Variants in ABHD6 observed in about 807,000 individuals in gnomAD.
ABHD6 encodes monoacylglycerol lipase ABHD6.
In ABHD6, 33 loss-of-function variants were observed where a neutral mutation model predicts 38.8. The ratio of observed to expected loss-of-function variants is 0.85; its 90% CI spans 0.64 to 1.14. The LOEUF (loss-of-function observed/expected upper bound fraction) is 1.14. ABHD6 is among the 50% of genes most tolerant of loss of function. The pLI is 0.00. For synonymous variants in ABHD6, 147 were observed against 161.6 expected, an observed-to-expected ratio of 0.91 and a Z score of 0.69; for missense variants, 380 against 422.6, an observed-to-expected ratio of 0.90 and a Z score of 0.88.
rs565761890 is a variant in ABHD6 at position 58,280,426 on chromosome 3, G to A, written c.682-4659G>A. ...TGCATCATGAAGTTCTCGTGCCATG[G>A]TTTTCAGCTCCATCGGGTCATTTAA... On this transcript the variant is annotated intron_variant, in intron 7 of 9. Transcript: ENST00000478253. Among the ~76,000 whole-genome samples the A allele has an allele frequency of 1.8e-4, 27 of 152,212 alleles. No homozygotes were observed. In the South Asian group the frequency reaches 5.4e-3, roughly 30 times the overall value.
intron 7 of ABHD6, among the ~76,000 whole-genome samples, chr3:58,278,999 C>T (rs1204683602): frequency 6.6e-6 from 1 of 152,162 alleles, no homozygotes; most frequent in Non-Finnish European, 1.5e-5. Context: ...TTTACATTTG[C>T]TGAGGAGTGC....
intron 9 of ABHD6, among the ~76,000 whole-genome samples, chr3:58,290,652 C>T (rs1392689400): frequency 7.3e-6 from 1 of 137,508 alleles, no homozygotes; most frequent in Non-Finnish European, 1.5e-5. Flanking sequence ...GGGTCTCCTC[C>T]CTTCTCAGAT....
At chr3:58,261,650 G>A (rs939286766) in intron 3 of ABHD6, among the ~76,000 whole-genome samples, 1 of 152,124 alleles carries the variant, frequency 6.6e-6, no homozygotes, top group African/African-American at 2.4e-5. Flanking sequence ...GCCCGGCCTG[G>A]TTCTTTCTTT....
rs569715160 is a variant in ABHD6, at chr3:58,286,123, C to G, written c.837+670C>G. ...CAAGCTCTGCCTCCTGGGTTCACGCCATTCTCCTGCCTCAGCCTCTCAAGT... is the reference window on the plus strand; with the variant it reads ...CAAGCTCTGCCTCCTGGGTTCACGCGATTCTCCTGCCTCAGCCTCTCAAGT... On this transcript the variant is annotated intron_variant, in intron 9 of 9. Coordinates refer to ENST00000478253, the MANE Select transcript of ABHD6 (RefSeq NM_001320126.2). 8.4e-3 allele frequency among the ~76,000 whole-genome samples: 1,275 copies of G among 152,054 alleles called. 8 individuals are homozygous for G. The highest frequency in any genetic ancestry group is 0.014 in the Non-Finnish European group (960 of 67,954).
intron 9 of ABHD6, among the ~76,000 whole-genome samples, chr3:58,291,522 G>T (rs957839175): frequency 2.6e-5 from 4 of 152,136 alleles, no homozygotes; most frequent in African/African-American, 2.4e-5. Context: ...GCCTCCCAGA[G>T]TGCTGATATT....
chr3:58,282,665 G>A (rs944601950), intron 7 of ABHD6, among the ~76,000 whole-genome samples: 9 of 152,174 alleles, frequency 5.9e-5, no homozygotes, highest in Admixed American at 3.9e-4. Context: ...GAGCCCAGGA[G>A]GCAGAGGCTG....
In ABHD6 at chr3:58,265,277, AAT is replaced by A. The variant is rs1180704362; in HGVS notation, c.120-1909_120-1908del. On this transcript the variant is annotated intron_variant, in intron 3 of 9. Coordinates refer to ENST00000478253, the MANE Select transcript of ABHD6 (RefSeq NM_001320126.2). This position sits in a 1 kb window ranked among gnomAD's most constrained non-coding sequence, Gnocchi z 4.2. ...ATGTTTTTTATGTTTGTTAGTCATT[AAT>A]ATCTTTTCTACTCTAAGGTACCTTT... Among the ~76,000 whole-genome samples the A allele has an allele frequency of 6.6e-6, 1 of 152,166 alleles. No individual in the cohort carries two copies. The highest frequency in any genetic ancestry group is 1.5e-5 in the Non-Finnish European group (1 of 68,032).
At chr3:58,255,462 C>CTT (rs373989173) in intron 2 of ABHD6, among the ~76,000 whole-genome samples, 2,436 of 129,762 alleles carry the variant, frequency 0.019, 84 homozygotes, top group African/African-American at 0.06. Context: ...AAAAGTCTGT[C>CTT]TTTTTTTTTT....
chr3:58,287,074 T>G lies in ABHD6; in HGVS notation c.837+1621T>G, dbSNP rs2097458019. ...GGAGGATTGCTTGAGCCCAGGAGTT[T>G]GAGACCAACCTGGGCAGCATAGTGA... On this transcript the variant is annotated intron_variant, in intron 9 of 9. Transcript: ENST00000478253. This position sits in a 1 kb window ranked among gnomAD's most constrained non-coding sequence, Gnocchi z 4.7. Among the ~76,000 whole-genome samples, 2 of 150,674 alleles carry G rather than the reference T, an allele frequency of 1.3e-5. No homozygotes were observed. The highest frequency in any genetic ancestry group is 4.2e-4 in the South Asian group (2 of 4,758).
rs904261726 is a variant in ABHD6, at chr3:58,238,163, C to T, written c.-91+247C>T. The stretch of plus-strand genomic sequence containing the variant: ...CTGGGTCCAGCCAGCCTCTTGAAGC[C>T]GGGGGACAGAGTGAGGACGGGTCGG... On this transcript the variant is annotated intron_variant, in intron 1 of 9. Coordinates refer to ENST00000478253, the MANE Select transcript of ABHD6 (RefSeq NM_001320126.2). The surrounding 1 kb of genome is among the most constrained non-coding windows in gnomAD (Gnocchi z 6.9). 4 of 152,370 alleles carry T rather than the reference C, an allele frequency of 2.6e-5. No individual in the cohort carries two copies. The highest frequency in any genetic ancestry group is 4.8e-5 in the African/African-American group (2 of 41,444). The allele number at this position is 152,370 out of a possible 1,614,324, so 9.4% of individuals were successfully genotyped here. A position where few individuals can be genotyped will look rare whatever the true frequency, so the allele number is the denominator to read the frequency against.
At chr3:58,239,310 T>C (rs1265148790) in intron 1 of ABHD6, among the ~76,000 whole-genome samples, 3 of 152,158 alleles carry the variant, frequency 2.0e-5, no homozygotes, top group Admixed American at 6.5e-5. Context: ...CTTTAAAGGG[T>C]AGTGGCAATA....
Position 58,291,138 on chromosome 3 carries a change from A to G in ABHD6, c.838-2451A>G, listed in dbSNP as rs1245981042. 3.2e-3 allele frequency among the ~76,000 whole-genome samples: 483 copies of G among 151,448 alleles called. 2 individuals are homozygous for G. The highest frequency in any genetic ancestry group is 4.2e-3 in the Non-Finnish European group (286 of 67,896). On this transcript the variant is annotated intron_variant, in intron 9 of 9. Coordinates refer to ENST00000478253, the MANE Select transcript of ABHD6 (RefSeq NM_001320126.2). Reference sequence around the variant, plus strand: ...CCGTCTGCAATCCCGGCACCTCCGGAGGCCGAGGCTGGCGGATCACTCGCG... The same window carrying G: ...CCGTCTGCAATCCCGGCACCTCCGGGGGCCGAGGCTGGCGGATCACTCGCG...
chr3:58,255,462 C>CTTT (rs373989173), intron 2 of ABHD6, among the ~76,000 whole-genome samples: 5 of 129,782 alleles, frequency 3.9e-5, no homozygotes, highest in African/African-American at 1.2e-4. Context: ...AAAAGTCTGT[C>CTTT]TTTTTTTTTT....
At chr3:58,241,103 G>A (rs2097422509) in intron 1 of ABHD6, among the ~76,000 whole-genome samples, 1 of 152,174 alleles carries the variant, frequency 6.6e-6, no homozygotes, top group African/African-American at 2.4e-5. Flanking sequence ...AGTGGGTAGA[G>A]GCCAGGGATG....
At chr3:58,253,227 T>A (rs911470686) in intron 2 of ABHD6, among the ~76,000 whole-genome samples, 4 of 151,970 alleles carry the variant, frequency 2.6e-5, no homozygotes, top group African/African-American at 9.7e-5. Flanking sequence ...TGTCAGAGTC[T>A]ATGATATATA....
rs115437463 is a variant in ABHD6, at chr3:58,293,243, G to A, written c.838-346G>A. Among the ~76,000 whole-genome samples, 222 of 152,144 alleles carry A rather than the reference G, an allele frequency of 1.5e-3. 1 individual carries two copies. The highest frequency in any genetic ancestry group is 4.7e-3 in the African/African-American group (196 of 41,484). On this transcript the variant is annotated intron_variant, in intron 9 of 9. Coordinates refer to ENST00000478253, the MANE Select transcript of ABHD6 (RefSeq NM_001320126.2). The surrounding 1 kb of genome is among the most constrained non-coding windows in gnomAD (Gnocchi z 4.4). ...TCCCCTGTCCCCTTTCTGCTCTCCC[G>A]GGACTCAGGAACGAGGTCTTCCCTC...
intron 1 of ABHD6, among the ~76,000 whole-genome samples, chr3:58,247,030 C>T (rs1468971916): frequency 7.1e-6 from 1 of 140,472 alleles, no homozygotes; most frequent in Admixed American, 7.3e-5. Context: ...GTTGCCGTCT[C>T]TAATGGGCCT....
In ABHD6 at chr3:58,270,931, G is replaced by A. The variant is rs762532857; in HGVS notation, c.391-1G>A. 6.2e-7 allele frequency: 1 copy of A among 1,601,294 alleles called. No individual in the cohort carries two copies. The highest frequency in any genetic ancestry group is 8.5e-7 in the Non-Finnish European group (1 of 1,175,416). On this transcript the variant is annotated splice_acceptor_variant, in intron 5 of 9. Transcript: ENST00000478253. LOFTEE classifies it high-confidence loss of function. ...AGCTGCTTTCTCATTTCCCTTCCTA[G>A]TTTGTAGAATGCCTGAAGCTGAACA...
At chr3:58,246,735 G>A (rs1257943014) in intron 1 of ABHD6, among the ~76,000 whole-genome samples, 2 of 151,826 alleles carry the variant, frequency 1.3e-5, no homozygotes, top group Admixed American at 6.5e-5. Flanking sequence ...TTTATGGATG[G>A]TCATGTGTTT....
Sources: allele counts gnomAD v4.1 joint callset (sites outside exome capture counted in the v4.1 genomes callset), GRCh38; gene constraint gnomAD v4.1.1; non-coding constraint Gnocchi (gnomAD v3.1); transcripts MANE v1.5; gene names NCBI Gene and HGNC (gene_info 2026-07-23, HGNC 2026-07-21).